The following TMEFF2 variants were observed in gnomAD, a reference collection of about 807,000 sequenced individuals.
TMEFF2 encodes the protein transmembrane protein with EGF like and two follistatin like domains 2.
In TMEFF2, 28 loss-of-function variants were observed where a neutral mutation model predicts 53.8. That is an observed-to-expected ratio of 0.52 (90% CI 0.39 to 0.71). The LOEUF (loss-of-function observed/expected upper bound fraction) is 0.71, where lower values mean the gene tolerates loss of function less well. Among genes scored for constraint, TMEFF2 ranks in the 30% least tolerant of loss-of-function variants. TMEFF2 has a pLI of 0.00. For missense variants in TMEFF2, 353 were observed against 455.2 expected (o/e 0.78, Z 2.04); for synonymous variants, 162 against 166.3 (o/e 0.97, Z 0.20).
chr2:192,064,827 G>A (rs1688131319), intron 4 of TMEFF2, among the ~76,000 whole-genome samples: 1 of 151,782 alleles, frequency 6.6e-6, no homozygotes, highest in East Asian at 1.9e-4. Context: ...AATATGGGCT[G>A]TTCCTTCAAC....
chr2:192,012,841 C>T (rs1281272840), intron 5 of TMEFF2, among the ~76,000 whole-genome samples: 3 of 151,854 alleles, frequency 2.0e-5, no homozygotes, highest in Non-Finnish European at 1.5e-5. Flanking sequence ...AATTGGAATA[C>T]AAAGGTATAG....
At chr2:192,037,073 G>C (rs1687312298) in intron 5 of TMEFF2, 1 of 152,050 alleles carries the variant, frequency 6.6e-6, no homozygotes, top group Non-Finnish European at 1.5e-5. Context: ...GGCTCAGACA[G>C]AGCATGACCT....
At chr2:192,031,204 C>T (rs1170458358) in intron 5 of TMEFF2, 1 of 152,164 alleles carries the variant, frequency 6.6e-6, no homozygotes, top group African/African-American at 2.4e-5. Flanking sequence ...TGTGTCACTT[C>T]TACACTATTT....
chr2:192,106,680 G>T (rs1689157190), intron 4 of TMEFF2, among the ~76,000 whole-genome samples: 1 of 151,672 alleles, frequency 6.6e-6, no homozygotes, highest in South Asian at 2.1e-4. Context: ...CTCCCTATCT[G>T]CATGACACTT....
At chr2:191,997,175 A>C (rs932853447) in intron 7 of TMEFF2, among the ~76,000 whole-genome samples, 3 of 151,940 alleles carry the variant, frequency 2.0e-5, no homozygotes, top group Non-Finnish European at 4.4e-5. Flanking sequence ...TGGTAGAACC[A>C]ATGTTTTTCC....
intron 4 of TMEFF2, among the ~76,000 whole-genome samples, chr2:192,074,113 CTTTAT>C (rs1688354594): frequency 6.6e-6 from 1 of 151,876 alleles, no homozygotes; most frequent in Non-Finnish European, 1.5e-5. Flanking sequence ...CCTATAGTTC[CTTTAT>C]TTTCTGACCT....
At chr2:192,155,884 T>TAGCACAGA (rs1690495523) in intron 4 of TMEFF2, among the ~76,000 whole-genome samples, 1 of 152,032 alleles carries the variant, frequency 6.6e-6, no homozygotes, top group Admixed American at 6.6e-5. Context: ...CTGCTTAAAA[T>TAGCACAGA]AGCACAGAGG....
At chr2:192,056,195 C>G (rs1687904437) in intron 5 of TMEFF2, among the ~76,000 whole-genome samples, 3 of 152,044 alleles carry the variant, frequency 2.0e-5, no homozygotes, top group Admixed American at 2.0e-4. Context: ...TCTAGGCAAG[C>G]ACAGTCTACA....
intron 4 of TMEFF2, among the ~76,000 whole-genome samples, chr2:192,153,241 A>G (rs1171571416): frequency 6.6e-6 from 1 of 151,858 alleles, no homozygotes; most frequent in East Asian, 1.9e-4. Flanking sequence ...ACTTTTTAAT[A>G]TTAGCCCTTA....
chr2:192,123,388 CAATT>C (rs1297008912), intron 4 of TMEFF2, among the ~76,000 whole-genome samples: 1 of 151,944 alleles, frequency 6.6e-6, no homozygotes, highest in Non-Finnish European at 1.5e-5. Context: ...ATTACAAAAA[CAATT>C]AAAACTGAGT....
chr2:192,170,686 C>A (rs1690887728), intron 4 of TMEFF2, among the ~76,000 whole-genome samples: 1 of 151,958 alleles, frequency 6.6e-6, no homozygotes, highest in South Asian at 2.1e-4. Context: ...TTTGTGGAAG[C>A]ACCAGGCCAA....
chr2:191,980,483 A>G (rs1685829173), intron 7 of TMEFF2, among the ~76,000 whole-genome samples: 1 of 152,232 alleles, frequency 6.6e-6, no homozygotes. Context: ...CATTAAAGAA[A>G]AACATGAAGC....
chr2:192,188,211 G>A (rs896090703), intron 2 of TMEFF2, among the ~76,000 whole-genome samples: 5 of 152,062 alleles, frequency 3.3e-5, no homozygotes, highest in African/African-American at 4.8e-5. Flanking sequence ...TTTTAAGAGC[G>A]GACAGGCCTG....
At chr2:192,062,971 T>G (rs114204542) in intron 4 of TMEFF2, among the ~76,000 whole-genome samples, 129,446 of 149,866 alleles carry the variant, frequency 0.86, 57,379 homozygotes, top group Non-Finnish European at 0.97. Flanking sequence ...CGGGAGTGTT[T>G]TTTTTTTTTG....
At chr2:192,187,532 C>T (rs1399662712) in intron 2 of TMEFF2, among the ~76,000 whole-genome samples, 1 of 152,102 alleles carries the variant, frequency 6.6e-6, no homozygotes, top group Non-Finnish European at 1.5e-5. Flanking sequence ...TAGTAGTATT[C>T]ATGATACTGC....
intron 5 of TMEFF2, 50 bp downstream of exon 5, chr2:192,057,629 A>C (rs950758851): frequency 6.8e-7 from 1 of 1,476,828 alleles, no homozygotes; most frequent in African/African-American, 1.4e-5. Flanking sequence ...GTTAAAAAGA[A>C]ATTAATCACT....
At chr2:192,065,487 G>A (rs1227651564) in intron 4 of TMEFF2, among the ~76,000 whole-genome samples, 1 of 151,694 alleles carries the variant, frequency 6.6e-6, no homozygotes, top group Non-Finnish European at 1.5e-5. Context: ...AAATTATTAC[G>A]AGGCTGAGAA....
intron 4 of TMEFF2, among the ~76,000 whole-genome samples, chr2:192,140,097 C>T (rs1180514182): frequency 6.6e-6 from 1 of 152,036 alleles, no homozygotes; most frequent in Non-Finnish European, 1.5e-5. Flanking sequence ...AGGGATGAGG[C>T]AAAGCCAGCA....
intron 2 of TMEFF2, among the ~76,000 whole-genome samples, chr2:192,189,993 T>A (rs1190139341): frequency 6.6e-6 from 1 of 152,206 alleles, no homozygotes; most frequent in Non-Finnish European, 1.5e-5. Flanking sequence ...TTACACAGAC[T>A]TGCATTCGTT....
Sources: gnomAD v4.1 joint callset for allele counts (sites outside exome capture counted in the v4.1 genomes callset) on GRCh38, gnomAD v4.1.1 for gene constraint, MANE v1.5 for transcripts, NCBI Gene and HGNC (gene_info 2026-07-23, HGNC 2026-07-21) for gene names.